The following DOCK3 variants were observed in gnomAD, a reference collection of about 807,000 sequenced individuals.
DOCK3 encodes the protein dedicator of cytokinesis protein 3.
A neutral mutation model predicts 265.6 loss-of-function variants in DOCK3; 60 were observed. That is an observed-to-expected ratio of 0.23 (90% confidence interval 0.18 to 0.28). DOCK3 has a LOEUF of 0.28. Ranked by LOEUF, DOCK3 falls within the 10% of genes least tolerant of loss-of-function variation. The pLI is 1.00. For synonymous variants in DOCK3, 881 were observed against 938.0 expected (o/e 0.94, Z 1.11); for missense variants, 1,981 against 2,594.3 (o/e 0.76, Z 5.14).
intron 9 of DOCK3, among the ~76,000 whole-genome samples, chr3:51,122,834 A>G (rs533857174): frequency 6.6e-6 from 1 of 152,314 alleles, no homozygotes; most frequent in South Asian, 2.1e-4. Flanking sequence ...ATATATGAGG[A>G]CATAGAGATA....
At chr3:50,874,998 G>C (rs1213251324) in intron 3 of DOCK3, among the ~76,000 whole-genome samples, 1 of 152,104 alleles carries the variant, frequency 6.6e-6, no homozygotes, top group African/African-American at 2.4e-5. Flanking sequence ...CTCATAAGTG[G>C]GAGTTGAACA....
intron 5 of DOCK3, among the ~76,000 whole-genome samples, chr3:51,054,221 G>C (rs1575902351): frequency 6.7e-6 from 1 of 148,268 alleles, no homozygotes; most frequent in Non-Finnish European, 1.5e-5. Context: ...ACCTTTGATT[G>C]ATAGCTTGGC....
chr3:51,345,018 CAG>C, intron 38 of DOCK3, among the ~76,000 whole-genome samples: 4 of 152,324 alleles, frequency 2.6e-5, no homozygotes, highest in Middle Eastern at 6.8e-3. Flanking sequence ...TGTTAGCAGA[CAG>C]GGCATCTTTA....
At chr3:50,678,677 TGTC>T (rs1225376484) in intron 1 of DOCK3, among the ~76,000 whole-genome samples, 1 of 152,124 alleles carries the variant, frequency 6.6e-6, no homozygotes, top group African/African-American at 2.4e-5. Context: ...GTCCTGCTCT[TGTC>T]ATCCAGGCTG....
intron 4 of DOCK3, among the ~76,000 whole-genome samples, chr3:50,917,221 T>A (rs2107986185): frequency 6.6e-6 from 1 of 152,232 alleles, no homozygotes; most frequent in African/African-American, 2.4e-5. Flanking sequence ...TTCACATGAT[T>A]TCTAGACTGA....
chr3:51,120,880 A>G (rs962891952), intron 9 of DOCK3, among the ~76,000 whole-genome samples: 1 of 152,182 alleles, frequency 6.6e-6, no homozygotes, highest in African/African-American at 2.4e-5. Flanking sequence ...ATTTCAAGCC[A>G]GTTGATCTTA....
At chr3:51,106,322 C>T (rs181091616) in intron 9 of DOCK3, among the ~76,000 whole-genome samples, 2 of 152,320 alleles carry the variant, frequency 1.3e-5, no homozygotes, top group Admixed American at 6.5e-5. Context: ...TGGCAGGCCA[C>T]GCTTGGTCGG....
rs193201166 is a variant in DOCK3, at chr3:50,693,242, A to T, written c.37+17942A>T. On this transcript the variant is annotated intron_variant, in intron 1 of 52. Coordinates refer to ENST00000266037, the MANE Select transcript of DOCK3 (RefSeq NM_004947.5). Reference sequence around the variant, plus strand: ...AGATTCCATATGAATTTCAGGATGAATTTTTAAATATTTCTGCAAAGAATA... The same window carrying T: ...AGATTCCATATGAATTTCAGGATGATTTTTTAAATATTTCTGCAAAGAATA... Among the ~76,000 whole-genome samples, 337 of 152,244 alleles carry T rather than the reference A, an allele frequency of 2.2e-3. 1 individual carries two copies. Among genetic ancestry groups the T allele is most frequent in the African/African-American group, 7.9e-3 (327 of 41,560 alleles).
intron 3 of DOCK3, chr3:50,881,351 G>C (rs2048011343): frequency 6.6e-6 from 1 of 152,218 alleles, no homozygotes; most frequent in Admixed American, 6.5e-5. Flanking sequence ...CCTGTTTGCA[G>C]ATGACATGAT....
chr3:51,061,031 A>G (rs2109237212), intron 5 of DOCK3, among the ~76,000 whole-genome samples: 4 of 152,346 alleles, frequency 2.6e-5, no homozygotes, highest in Middle Eastern at 6.8e-3. Flanking sequence ...CACACCAGTT[A>G]GAATGGCGAT....
chr3:51,288,204 C>T (rs1156469866), intron 27 of DOCK3, among the ~76,000 whole-genome samples: 1 of 152,048 alleles, frequency 6.6e-6, no homozygotes, highest in Non-Finnish European at 1.5e-5. Context: ...CCAGCCTGGT[C>T]AACATGGTGA....
chr3:50,730,007 G>C (rs985606390), intron 1 of DOCK3, among the ~76,000 whole-genome samples: 3 of 151,438 alleles, frequency 2.0e-5, no homozygotes, highest in Admixed American at 6.6e-5. Flanking sequence ...TTGTATGTTG[G>C]CCAGGCTGGC....
At chr3:50,696,967 G>C (rs2035666945) in intron 1 of DOCK3, among the ~76,000 whole-genome samples, 1 of 145,920 alleles carries the variant, frequency 6.9e-6, no homozygotes, top group Non-Finnish European at 1.5e-5. Context: ...CACTAACTCT[G>C]TTGCTCAGGC....
At chr3:51,216,813 T>G (rs1330323816) in intron 14 of DOCK3, among the ~76,000 whole-genome samples, 2 of 152,212 alleles carry the variant, frequency 1.3e-5, no homozygotes, top group Non-Finnish European at 1.5e-5. Context: ...AAACAGTGAC[T>G]GTGTTAAGAA....
chr3:51,288,561 T>C (rs907275417), intron 27 of DOCK3, among the ~76,000 whole-genome samples: 7 of 151,996 alleles, frequency 4.6e-5, no homozygotes, highest in Non-Finnish European at 7.4e-5. Flanking sequence ...AATTTACCTA[T>C]ATAACAAACC....
intron 4 of DOCK3, among the ~76,000 whole-genome samples, chr3:50,930,145 TA>T (rs1200879362): frequency 6.6e-6 from 1 of 151,310 alleles, no homozygotes. Flanking sequence ...CTAAGTTTTT[TA>T]TAGATCTTAA....
intron 28 of DOCK3, among the ~76,000 whole-genome samples, chr3:51,311,290 T>A (rs2083054661): frequency 6.6e-6 from 1 of 152,228 alleles, no homozygotes; most frequent in Non-Finnish European, 1.5e-5. Flanking sequence ...TTCTTCTGCA[T>A]CTAAGCAGAG....
chr3:51,109,493 A>G (rs1265227570), intron 9 of DOCK3, among the ~76,000 whole-genome samples: 1 of 152,244 alleles, frequency 6.6e-6, no homozygotes, highest in African/African-American at 2.4e-5. Context: ...CCTCAAAGCT[A>G]GCAGAAGATA....
At chr3:50,857,288 A>T (rs1039479188) in intron 3 of DOCK3, among the ~76,000 whole-genome samples, 12 of 152,172 alleles carry the variant, frequency 7.9e-5, no homozygotes, top group African/African-American at 2.9e-4. Flanking sequence ...TTCGGCTGTG[A>T]ATCTGCCTGG....
Sources: allele counts gnomAD v4.1 joint callset (sites outside exome capture counted in the v4.1 genomes callset), GRCh38; gene constraint gnomAD v4.1.1; transcripts MANE v1.5; gene names NCBI Gene and HGNC (gene_info 2026-07-23, HGNC 2026-07-21).